GLT1D1: variants seen among roughly 807,000 people sequenced by gnomAD.
GLT1D1 encodes the protein glycosyltransferase 1 domain containing 1, also known as glycosyltransferase 1 domain-containing protein 1.
A neutral mutation model predicts 28.7 loss-of-function variants in GLT1D1; 21 were observed. That is an observed-to-expected ratio of 0.73 (90% CI 0.52 to 1.05). The LOEUF (loss-of-function observed/expected upper bound fraction) is 1.05. Ranked by LOEUF, GLT1D1 falls within the 50% of genes least tolerant of loss-of-function variation. The probability of loss-of-function intolerance (pLI) is 0.00; values close to 1 mark genes in which losing one functional copy is unlikely to be tolerated. For missense variants in GLT1D1, 343 were observed against 330.6 expected, an observed-to-expected ratio of 1.04 and a Z score of -0.29; for synonymous variants, 147 against 124.8, an observed-to-expected ratio of 1.18 and a Z score of -1.19.
rs140092627 is a variant in GLT1D1 at position 128,983,006 on chromosome 12, C to T, written c.717C>T (p.Tyr239=). The stretch of plus-strand genomic sequence containing the variant: ...AAATCGTAGTGAACGGAAGGGAATA[C>T]GTGAGAATGTATCATTCATGGCAGG... Residue 239 remains tyrosine, a synonymous_variant, in exon 8 of 8, where the codon TAC becomes TAT. Transcript: ENST00000281703. This position sits in a 1 kb window ranked among gnomAD's most constrained non-coding sequence, Gnocchi z 4.7. 1.8e-5 allele frequency: 29 copies of T among 1,613,670 alleles called. No homozygotes were observed. The African/African-American group carries it at 2.1e-4, about 12-fold the overall frequency.
intron 4 of GLT1D1, among the ~76,000 whole-genome samples, chr12:128,907,495 C>T (rs1456795651): frequency 1.3e-5 from 2 of 152,158 alleles, no homozygotes; most frequent in East Asian, 3.9e-4. Flanking sequence ...TTAGTAGAGA[C>T]GAGGTTTCAC....
intron 4 of GLT1D1, chr12:128,944,547 G>A (rs1209983822): frequency 1.3e-6 from 1 of 798,894 alleles, no homozygotes; most frequent in Non-Finnish European, 2.2e-6. Context: ...TGTAGACTTG[G>A]CCATTGGTGA....
intron 4 of GLT1D1, among the ~76,000 whole-genome samples, chr12:128,933,137 T>C (rs1182252515): frequency 1.4e-5 from 2 of 142,092 alleles, no homozygotes; most frequent in Non-Finnish European, 3.0e-5. Context: ...GAGAGAGAGC[T>C]TTTTAGGACG....
chr12:128,942,360 AAAG>A (rs1267907603), intron 4 of GLT1D1, among the ~76,000 whole-genome samples: 1 of 152,248 alleles, frequency 6.6e-6, no homozygotes, highest in Non-Finnish European at 1.5e-5. Flanking sequence ...AAAGTTTTAT[AAAG>A]AATGAAGTGT....
chr12:128,945,233 C>A, intron 4 of GLT1D1, 93 bp from the exon 9 acceptor site: 2 of 1,310,346 alleles, frequency 1.5e-6, no homozygotes, highest in Non-Finnish European at 2.2e-6. Flanking sequence ...CCACGCCGCG[C>A]TGGCACCAGG....
intron 7 of GLT1D1, among the ~76,000 whole-genome samples, chr12:128,974,303 T>A (rs10847728): frequency 6.6e-6 from 1 of 151,844 alleles, no homozygotes; most frequent in Non-Finnish European, 1.5e-5. Flanking sequence ...GGCTCACAGA[T>A]GGCAAGGGCT....
At chr12:128,854,730 C>G (rs991141018) in intron 1 of GLT1D1, among the ~76,000 whole-genome samples, 2 of 152,108 alleles carry the variant, frequency 1.3e-5, no homozygotes, top group Non-Finnish European at 2.9e-5. Context: ...CTCCTGCCCT[C>G]AGGTGATCCG....
intron 1 of GLT1D1, among the ~76,000 whole-genome samples, chr12:128,863,442 G>A (rs914545155): frequency 3.3e-5 from 5 of 151,916 alleles, no homozygotes; most frequent in Admixed American, 2.0e-4. Flanking sequence ...GCGTGATCTC[G>A]GCTCACTGCA....
At chr12:128,975,559 T>A (rs1185864556) in intron 7 of GLT1D1, among the ~76,000 whole-genome samples, 5 of 152,160 alleles carry the variant, frequency 3.3e-5, no homozygotes, top group African/African-American at 9.7e-5. Context: ...CAAGCAATCA[T>A]CCTGCCTCAG....
intron 7 of GLT1D1, 147 bp downstream of exon 11, chr12:128,957,790 G>A: frequency 1.7e-6 from 1 of 581,754 alleles, no homozygotes; most frequent in Non-Finnish European, 3.1e-6. Flanking sequence ...GTTATCACCT[G>A]GGCAGCTGCC....
intron 7 of GLT1D1, among the ~76,000 whole-genome samples, chr12:128,970,095 C>A (rs1019433293): frequency 6.6e-6 from 1 of 152,182 alleles, no homozygotes; most frequent in Non-Finnish European, 1.5e-5. Context: ...GCTCCGAAGG[C>A]CGTTTCTGGG....
intron 4 of GLT1D1, among the ~76,000 whole-genome samples, chr12:128,922,528 C>T (rs7975794): frequency 0.31 from 47,201 of 152,116 alleles, 7,823 homozygotes; most frequent in Non-Finnish European, 0.36. Flanking sequence ...TTCTTCTGAC[C>T]TACAATTCAA....
At chr12:128,963,706 T>C (rs1219746104) in intron 7 of GLT1D1, among the ~76,000 whole-genome samples, 1 of 152,178 alleles carries the variant, frequency 6.6e-6, no homozygotes, top group Admixed American at 6.5e-5. Flanking sequence ...TGCTGGCTCC[T>C]ATCACGCACA....
chr12:128,977,150 G>A (rs1452444671), intron 7 of GLT1D1, among the ~76,000 whole-genome samples: 3 of 152,138 alleles, frequency 2.0e-5, no homozygotes. Flanking sequence ...CATCTCAAAA[G>A]CAAAACAAGA....
chr12:128,872,747 C>T (rs532708206), intron 1 of GLT1D1, among the ~76,000 whole-genome samples: 4 of 152,264 alleles, frequency 2.6e-5, no homozygotes, highest in East Asian at 3.9e-4. Flanking sequence ...TACATACACA[C>T]GCACGCTCAC....
chr12:128,969,141 T>A (rs1317198087), intron 7 of GLT1D1, among the ~76,000 whole-genome samples: 1 of 119,696 alleles, frequency 8.4e-6, no homozygotes, highest in Non-Finnish European at 1.6e-5. Context: ...CCTTCCTCCC[T>A]CTCAGTCTCT....
chr12:128,884,032 A>T (rs1443571387), intron 2 of GLT1D1, among the ~76,000 whole-genome samples: 2 of 152,178 alleles, frequency 1.3e-5, no homozygotes, highest in Non-Finnish European at 2.9e-5. Flanking sequence ...GAAAAATAGA[A>T]CTACCGTAGG....
intron 2 of GLT1D1, among the ~76,000 whole-genome samples, chr12:128,886,892 C>T (rs1868444324): frequency 6.6e-6 from 1 of 152,054 alleles, no homozygotes; most frequent in Admixed American, 6.6e-5. Flanking sequence ...TGAACCACCT[C>T]TACTGGGCGG....
chr12:128,894,576 G>T (rs1869417542), intron 3 of GLT1D1, among the ~76,000 whole-genome samples: 1 of 152,028 alleles, frequency 6.6e-6, no homozygotes. Context: ...GGGCATGGTG[G>T]CTCATGGCTG....
Sources: gnomAD v4.1 joint callset for allele counts (sites outside exome capture counted in the v4.1 genomes callset) on GRCh38, gnomAD v4.1.1 for gene constraint, Gnocchi (gnomAD v3.1) non-coding constraint, MANE v1.5 for transcripts, NCBI Gene and HGNC (gene_info 2026-07-23, HGNC 2026-07-21) for gene names.